SLC35F1: variants seen among roughly 807,000 people sequenced by gnomAD.
The protein encoded by SLC35F1 is chromosome 6 open reading frame 169.
Under a neutral mutation model 48.7 loss-of-function variants are expected in SLC35F1, and 14 were observed. The observed-to-expected ratio is 0.29, with a 90% confidence interval of 0.19 to 0.45. The LOEUF is 0.45. Among genes scored for constraint, SLC35F1 ranks in the 20% least tolerant of loss-of-function variants. SLC35F1 has a pLI of 1.00. For synonymous variants in SLC35F1, 190 were observed against 202.2 expected (o/e 0.94, Z 0.51); for missense variants, 404 against 500.0 (o/e 0.81, Z 1.83).
intron 1 of SLC35F1, among the ~76,000 whole-genome samples, chr6:117,965,995 T>C (rs1217158711): frequency 7.2e-6 from 1 of 138,752 alleles, no homozygotes; most frequent in East Asian, 2.0e-4. Flanking sequence ...GTCAGCACTC[T>C]GTCAAAATGG....
At chr6:117,914,151 T>C (rs1482921258) in intron 1 of SLC35F1, among the ~76,000 whole-genome samples, 1 of 151,874 alleles carries the variant, frequency 6.6e-6, no homozygotes, top group Non-Finnish European at 1.5e-5. Context: ...TCTATCCACA[T>C]ATATACACAC....
intron 1 of SLC35F1, among the ~76,000 whole-genome samples, chr6:117,942,709 C>T (rs927230893): frequency 3.3e-5 from 5 of 152,152 alleles, no homozygotes; most frequent in African/African-American, 9.7e-5. Context: ...TGAAATTTTA[C>T]GAGGAAGATT....
intron 1 of SLC35F1, among the ~76,000 whole-genome samples, chr6:118,132,491 C>G (rs766333900): frequency 6.6e-5 from 10 of 152,130 alleles, no homozygotes; most frequent in Admixed American, 2.0e-4. Context: ...TCAGTTTCCT[C>G]ATCTGTAAAA....
At chr6:118,201,157 A>G (rs927964980) in intron 2 of SLC35F1, among the ~76,000 whole-genome samples, 6 of 152,132 alleles carry the variant, frequency 3.9e-5, no homozygotes, top group Admixed American at 3.9e-4. Flanking sequence ...TCTCCATTCT[A>G]TTGGCAGAGG....
chr6:118,212,790 G>GAGAGAGAGAAAGAAA (rs1775023213), intron 2 of SLC35F1, among the ~76,000 whole-genome samples: 2 of 139,520 alleles, frequency 1.4e-5, no homozygotes, highest in South Asian at 2.4e-4. Context: ...AAGGAAGGAA[G>GAGAGAGAGAAAGAAA]GAAAGAAGGA....
Position 118,238,971 on chromosome 6 carries a change from G to C in SLC35F1, c.477+3335G>C, listed in dbSNP as rs1371355443. On this transcript the variant is annotated intron_variant, in intron 3 of 7. Coordinates refer to ENST00000360388, the MANE Select transcript of SLC35F1 (RefSeq NM_001029858.4). ...CTGTCACCCATTAAGGGAGAGGTGA[G>C]ACAGATGGATGCAGGAGGAAAAACC... Among the ~76,000 whole-genome samples the C allele has an allele frequency of 2.0e-5, 3 of 151,904 alleles. No homozygotes were observed. The East Asian group carries it at 5.8e-4, about 29-fold the overall frequency.
chr6:118,261,335 A>G (rs781590926), intron 3 of SLC35F1, among the ~76,000 whole-genome samples: 13 of 152,186 alleles, frequency 8.5e-5, no homozygotes, highest in Non-Finnish European at 1.5e-4. Context: ...TAGGCCATAA[A>G]AATATGCTTA....
At chr6:118,102,400 T>C (rs1773271129) in intron 1 of SLC35F1, among the ~76,000 whole-genome samples, 1 of 152,130 alleles carries the variant, frequency 6.6e-6, no homozygotes, top group African/African-American at 2.4e-5. Flanking sequence ...CCCAACCTGA[T>C]CTTGAACTTC....
chr6:118,124,916 A>G (rs1404323484), intron 1 of SLC35F1, among the ~76,000 whole-genome samples: 1 of 152,194 alleles, frequency 6.6e-6, no homozygotes, highest in African/African-American at 2.4e-5. Context: ...ACAACGTGCA[A>G]AATAGATGGT....
intron 3 of SLC35F1, among the ~76,000 whole-genome samples, chr6:118,241,829 A>G (rs545853467): frequency 9.2e-5 from 14 of 152,370 alleles, no homozygotes; most frequent in Non-Finnish European, 1.8e-4. Context: ...TACAGTATTT[A>G]ACATTTTGAG....
intron 2 of SLC35F1, among the ~76,000 whole-genome samples, chr6:118,214,205 G>T (rs925434265): frequency 1.3e-5 from 2 of 152,110 alleles, no homozygotes; most frequent in Non-Finnish European, 2.9e-5. Context: ...ATTTAAAAAT[G>T]GTCCTATCTT....
intron 1 of SLC35F1, among the ~76,000 whole-genome samples, chr6:117,962,888 T>C (rs891222187): frequency 3.9e-5 from 6 of 152,166 alleles, no homozygotes; most frequent in African/African-American, 1.4e-4. Context: ...AAGGGGACAG[T>C]GTGTTAGAGC....
intron 7 of SLC35F1, among the ~76,000 whole-genome samples, chr6:118,291,242 TACACACACACAC>T (rs10603708): frequency 0.024 from 3,552 of 148,458 alleles, 134 homozygotes; most frequent in East Asian, 0.096. Flanking sequence ...GTATCATGTA[TACACACACACAC>T]ACACACACAC....
chr6:118,119,182 G>A (rs116164507), intron 1 of SLC35F1, among the ~76,000 whole-genome samples: 33 of 151,932 alleles, frequency 2.2e-4, no homozygotes, highest in Non-Finnish European at 4.1e-4. Context: ...TAAGTATTCT[G>A]CTTTTTAAAA....
intron 1 of SLC35F1, among the ~76,000 whole-genome samples, chr6:118,041,519 T>A (rs977818793): frequency 6.6e-6 from 1 of 151,830 alleles, no homozygotes; most frequent in Non-Finnish European, 1.5e-5. Context: ...GGAGATATAG[T>A]GGTGGGATGG....
chr6:118,233,393 C>T (rs1444875471), intron 2 of SLC35F1, among the ~76,000 whole-genome samples: 3 of 152,230 alleles, frequency 2.0e-5, no homozygotes, highest in Non-Finnish European at 2.9e-5. Context: ...GGCAGAAGAG[C>T]TGTTCAAAGA....
chr6:118,314,277 G>A lies in SLC35F1; in HGVS notation c.*25G>A. Reference sequence around the variant, plus strand: ...GGGTGAGGCCCGCCCTGCCAACTGAGGCCAACTCATTGGCCATGTTTTTGC... The same window carrying A: ...GGGTGAGGCCCGCCCTGCCAACTGAAGCCAACTCATTGGCCATGTTTTTGC... On this transcript the variant is annotated 3_prime_UTR_variant, in exon 8 of 8. Transcript: ENST00000360388. 1 of 1,603,174 alleles carries A rather than the reference G, an allele frequency of 6.2e-7. No homozygotes were observed. Among genetic ancestry groups the A allele is most frequent in the South Asian group, 1.1e-5 (1 of 90,824 alleles).
intron 1 of SLC35F1, among the ~76,000 whole-genome samples, chr6:117,979,123 G>A (rs188577055): frequency 5.8e-4 from 89 of 152,330 alleles, no homozygotes; most frequent in African/African-American, 2.1e-3. Flanking sequence ...TATGTTAGTA[G>A]ATGCCTTTGT....
intron 1 of SLC35F1, 28 bp from the exon 2 acceptor site, chr6:118,154,417 G>C: frequency 6.3e-7 from 1 of 1,585,864 alleles, no homozygotes; most frequent in Non-Finnish European, 8.6e-7. Context: ...GCTGACCTTT[G>C]CTGTGTTTTT....
Sources: allele counts gnomAD v4.1 joint callset (sites outside exome capture counted in the v4.1 genomes callset), GRCh38; gene constraint gnomAD v4.1.1; transcripts MANE v1.5; gene names NCBI Gene and HGNC (gene_info 2026-07-23, HGNC 2026-07-21).